Variants in NLRP5 observed in about 807,000 individuals in gnomAD.
NLRP5 encodes the protein NLR family pyrin domain containing 5.
NLRP5 carries 93 observed loss-of-function variants against 113.1 expected under a neutral mutation model. The observed-to-expected ratio is 0.82, with a 90% CI of 0.70 to 0.98. The LOEUF (loss-of-function observed/expected upper bound fraction) is 0.98. Ranked by LOEUF, NLRP5 falls within the 50% of genes least tolerant of loss-of-function variation. The pLI is 0.00. For synonymous variants in NLRP5, 751 were observed against 600.7 expected, an observed-to-expected ratio of 1.25 and a Z score of -3.66; for missense variants, 1,808 against 1,514.3, an observed-to-expected ratio of 1.19 and a Z score of -3.22.
rs1202712584 is a variant in NLRP5, at chr19:56,027,631, C to G, written c.1398C>G (p.Asp466Glu). 6.2e-7 allele frequency: 1 copy of G among 1,613,594 alleles called. No individual in the cohort carries two copies. Among genetic ancestry groups the G allele is most frequent in the Non-Finnish European group, 8.5e-7 (1 of 1,179,896 alleles). Residue 466 changes from aspartate (D) to glutamate (E), a missense_variant, in exon 7 of 15, where the codon GAC becomes GAG. Asp to Glu is a conservative substitution (Grantham distance 45). Coordinates refer to ENST00000390649, the MANE Select transcript of NLRP5 (RefSeq NM_153447.4). ...TCATGAACAACCGTGAGCTGCTCGA[C>G]CAGTGCCAGGTGCCCGCCGTGGGCT...
chr19:56,009,755 GC>G (rs1982110430), intron 3 of NLRP5, among the ~76,000 whole-genome samples: 1 of 152,168 alleles, frequency 6.6e-6, no homozygotes, highest in African/African-American at 2.4e-5. Flanking sequence ...GCTCCCAGCA[GC>G]CAGTGTTGAC....
chr19:55,986,855 C>T, the NLRP5 span, among the ~76,000 whole-genome samples: 3 of 152,282 alleles, frequency 2.0e-5, no homozygotes, highest in South Asian at 2.1e-4. Flanking sequence ...CTCTGCCCTT[C>T]CCGCTTTTGT....
chr19:55,994,124 G>A, the NLRP5 span, among the ~76,000 whole-genome samples: 223 of 152,182 alleles, frequency 1.5e-3, no homozygotes, highest in Non-Finnish European at 2.6e-3. Flanking sequence ...ATCCTTGCCA[G>A]CATTTATTTT....
chr19:56,035,028 T>C lies in NLRP5; in HGVS notation c.2615+1319T>C, dbSNP rs1474331394. ...ATCTCAGCTCACTGCAACGTCCACC[T>C]CCCTGGTTCAGGCAATTCTCCTGCC... On this transcript the variant is annotated intron_variant, in intron 9 of 14. Coordinates refer to ENST00000390649, the MANE Select transcript of NLRP5 (RefSeq NM_153447.4). 2.0e-5 allele frequency among the ~76,000 whole-genome samples: 3 copies of C among 152,210 alleles called. No individual in the cohort carries two copies. In the East Asian group the frequency reaches 5.8e-4, roughly 29 times the overall value.
chr19:56,006,810 G>A (rs1224148904), intron 2 of NLRP5, among the ~76,000 whole-genome samples: 15 of 151,644 alleles, frequency 9.9e-5, no homozygotes, highest in Admixed American at 9.8e-4. Context: ...CGCAATCTCG[G>A]CTCACCGCAA....
chr19:56,015,148 ATTTTG>A (rs1376027768), intron 3 of NLRP5, among the ~76,000 whole-genome samples: 1 of 152,052 alleles, frequency 6.6e-6, no homozygotes, highest in Admixed American at 6.6e-5. Context: ...GTCCTGAAAT[ATTTTG>A]TTCTATGCCA....
intron 4 of NLRP5, among the ~76,000 whole-genome samples, chr19:56,017,808 C>G (rs62120422): frequency 0.048 from 7,252 of 152,222 alleles, 257 homozygotes; most frequent in Non-Finnish European, 0.069. Context: ...TCGTTTACAC[C>G]AAAAGCTTAG....
intron 13 of NLRP5, 74 bp downstream of exon 13, chr19:56,053,882 C>A: frequency 7.2e-7 from 1 of 1,387,602 alleles, no homozygotes; most frequent in Non-Finnish European, 1.0e-6. Flanking sequence ...GTTGCTTGAA[C>A]AGGGATGATG....
chr19:56,030,255 A>C (rs561857016), intron 7 of NLRP5, among the ~76,000 whole-genome samples: 171 of 151,986 alleles, frequency 1.1e-3, no homozygotes, highest in African/African-American at 3.9e-3. Flanking sequence ...CTTTAATCCC[A>C]GCTACTCAGG....
At chr19:55,998,718 ATATATATATATGTG>A (rs1568478336), upstream of NLRP5, among the ~76,000 whole-genome samples, 20 of 139,684 alleles carry the variant, frequency 1.4e-4, no homozygotes, top group African/African-American at 5.0e-4. Context: ...GTGTGTGTAT[ATATATATATATGTG>A]TATATATATA....
intron 3 of NLRP5, 36 bp downstream of exon 3, chr19:56,008,889 T>G: frequency 6.3e-7 from 1 of 1,580,224 alleles, no homozygotes; most frequent in South Asian, 1.1e-5. Context: ...TAGGATGTGC[T>G]TAAAGACACA....
upstream of NLRP5, among the ~76,000 whole-genome samples, chr19:55,998,672 G>GTATA (rs368326842): frequency 4.6e-4 from 49 of 105,972 alleles, 2 homozygotes; most frequent in Non-Finnish European, 7.6e-4. Flanking sequence ...GTGTGTGTGT[G>GTATA]TATATATATA....
intron 6 of NLRP5, among the ~76,000 whole-genome samples, chr19:56,024,578 T>TATAC (rs1982764191): frequency 7.8e-6 from 1 of 127,900 alleles, no homozygotes. Context: ...TACACATATA[T>TATAC]ATACATACAC....
chr19:56,037,562 G>A (rs886900568), intron 9 of NLRP5, among the ~76,000 whole-genome samples: 1 of 151,778 alleles, frequency 6.6e-6, no homozygotes, highest in African/African-American at 2.4e-5. Flanking sequence ...GTATGGTGGT[G>A]GGCACCTGTA....
chr19:56,038,916 T>A (rs1983418337), intron 10 of NLRP5, among the ~76,000 whole-genome samples: 1 of 152,176 alleles, frequency 6.6e-6, no homozygotes, highest in Non-Finnish European at 1.5e-5. Flanking sequence ...GCCCAAGTGA[T>A]CCTCCCGTCT....
chr19:55,990,093 T>TC, the NLRP5 span, among the ~76,000 whole-genome samples: 1 of 137,320 alleles, frequency 7.3e-6, no homozygotes, highest in Non-Finnish European at 1.6e-5. Context: ...TTTTTTTTTT[T>TC]TTTTTTTTTT....
intron 14 of NLRP5, among the ~76,000 whole-genome samples, chr19:56,060,768 G>C (rs1016351454): frequency 1.3e-5 from 2 of 152,050 alleles, no homozygotes; most frequent in East Asian, 1.9e-4. Flanking sequence ...ACATGCTACT[G>C]TTATCAAGCA....
At chr19:56,055,537 CTTTTTTT>C (rs1160965587) in intron 13 of NLRP5, among the ~76,000 whole-genome samples, 8,002 of 76,388 alleles carry the variant, frequency 0.1, 430 homozygotes, top group East Asian at 0.24. Context: ...CTTTCTCTGT[CTTTTTTT>C]TTTTTTTTTT....
intron 3 of NLRP5, among the ~76,000 whole-genome samples, chr19:56,011,451 T>A (rs138704717): frequency 1.3e-5 from 2 of 152,142 alleles, no homozygotes; most frequent in Non-Finnish European, 1.5e-5. Flanking sequence ...CAATCATGAT[T>A]GCACACTTTC....
Sources: allele counts gnomAD v4.1 joint callset (sites outside exome capture counted in the v4.1 genomes callset), GRCh38; gene constraint gnomAD v4.1.1; transcripts MANE v1.5; gene names NCBI Gene and HGNC (gene_info 2026-07-23, HGNC 2026-07-21).